KANK1: variants seen among roughly 807,000 people sequenced by gnomAD.
KANK1 encodes KN motif and ankyrin repeat domains 1.
In KANK1, 109 loss-of-function variants were observed where a neutral mutation model predicts 106.2. The observed-to-expected ratio is 1.03, with a 90% CI of 0.88 to 1.20. The LOEUF (loss-of-function observed/expected upper bound fraction) is 1.20, where lower values mean the gene tolerates loss of function less well. KANK1 is among the 50% of genes most tolerant of loss of function. The probability of loss-of-function intolerance (pLI) is 0.00; values close to 1 mark genes in which losing one functional copy is unlikely to be tolerated. For synonymous variants in KANK1, 873 were observed against 652.2 expected (o/e 1.34, Z -5.16); for missense variants, 2,399 against 1,710.7 (o/e 1.40, Z -7.10).
chr9:592,332 C>T (rs913878656), intron 1 of KANK1, among the ~76,000 whole-genome samples: 49 of 151,786 alleles, frequency 3.2e-4, no homozygotes, highest in Admixed American at 3.0e-3. Context: ...CAGGGAGCAG[C>T]GGGAAGCCGG....
Position 710,615 on chromosome 9 carries a change from C to CAA in KANK1, c.38-176_38-175dup, listed in dbSNP as rs1222306010. On this transcript the variant is annotated intron_variant, in intron 2 of 11. Transcript: ENST00000382297. ...GCCTGGGTGACAGAATGACCTGTCTCAAAAAAAAAAAAAACAAAAAAAAAC... is the reference window on the plus strand; with the variant it reads ...GCCTGGGTGACAGAATGACCTGTCTCAAAAAAAAAAAAAAAACAAAAAAAAAC... 6.0e-3 allele frequency among the ~76,000 whole-genome samples: 214 copies of CAA among 35,964 alleles called. 27 individuals carry two copies. The highest frequency in any genetic ancestry group is 0.015 in the Middle Eastern group (1 of 66). 23.6% of individuals were successfully genotyped at this position (35,964 alleles called of 152,430 possible). A position where few individuals can be genotyped will look rare whatever the true frequency, so the allele number is the denominator to read the frequency against.
intron 1 of KANK1, among the ~76,000 whole-genome samples, chr9:621,717 C>T (rs35477239): frequency 1.3e-5 from 2 of 152,112 alleles, no homozygotes; most frequent in African/African-American, 4.8e-5. Context: ...CCTCCCATCT[C>T]GTAAGCAGAG....
chr9:585,356 CA>C (rs1823202122), intron 1 of KANK1, among the ~76,000 whole-genome samples: 1 of 152,178 alleles, frequency 6.6e-6, no homozygotes, highest in Non-Finnish European at 1.5e-5. Flanking sequence ...AGACATTGGA[CA>C]TACTTAGAAT....
intron 2 of KANK1, among the ~76,000 whole-genome samples, chr9:706,462 G>T (rs1219004204): frequency 6.6e-6 from 1 of 151,996 alleles, no homozygotes; most frequent in African/African-American, 2.4e-5. Flanking sequence ...CCTTAAGTGG[G>T]AAAAGTATAG....
intron 1 of KANK1, among the ~76,000 whole-genome samples, chr9:591,840 G>A (rs892577015): frequency 6.6e-6 from 1 of 151,640 alleles, no homozygotes; most frequent in Non-Finnish European, 1.5e-5. Flanking sequence ...TGTATTTTTA[G>A]TAGAGTCGGG....
In KANK1 at chr9:710,879, G is replaced by A. The variant is rs950838979; in HGVS notation, c.113G>A (p.Gly38Asp). Residue 38 changes from glycine to aspartate, a missense_variant, in exon 3 of 12, where the codon GGT becomes GAT. Gly to Asp is a moderately conservative substitution (Grantham distance 94, BLOSUM62 -1). Coordinates refer to ENST00000382297, the MANE Select transcript of KANK1 (RefSeq NM_015158.5). ...KDPYFVETPY[G>D]YQLDLDFLKY... ...CCTTACTTTGTGGAGACCCCCTATG[G>A]TTATCAACTAGACTTAGATTTCCTC... 1.9e-6 allele frequency: 3 copies of A among 1,613,966 alleles called. No homozygotes were observed. The highest frequency in any genetic ancestry group is 1.3e-5 in the African/African-American group (1 of 74,974).
At chr9:657,704 T>G (rs1409198347) in intron 1 of KANK1, among the ~76,000 whole-genome samples, 1 of 152,202 alleles carries the variant, frequency 6.6e-6, no homozygotes, top group Non-Finnish European at 1.5e-5. Flanking sequence ...GTGCGTATGC[T>G]GCGTTGGTAA....
At chr9:554,603 A>G (rs1242556564) in intron 1 of KANK1, among the ~76,000 whole-genome samples, 1 of 152,232 alleles carries the variant, frequency 6.6e-6, no homozygotes, top group African/African-American at 2.4e-5. Context: ...CATCACAACC[A>G]TCTGAATTAT....
intron 1 of KANK1, among the ~76,000 whole-genome samples, chr9:551,484 C>A (rs1203639675): frequency 6.6e-6 from 1 of 152,138 alleles, no homozygotes; most frequent in Non-Finnish European, 1.5e-5. Context: ...TACTTTTCAT[C>A]TGACAATATT....
chr9:546,330 G>T (rs1489529319), intron 1 of KANK1, among the ~76,000 whole-genome samples: 1 of 151,974 alleles, frequency 6.6e-6, no homozygotes, highest in Non-Finnish European at 1.5e-5. Flanking sequence ...CTGTCATCTA[G>T]TGTGTAAAGG....
At chr9:577,538 C>T (rs1191698123) in intron 1 of KANK1, among the ~76,000 whole-genome samples, 1 of 152,178 alleles carries the variant, frequency 6.6e-6, no homozygotes, top group Non-Finnish European at 1.5e-5. Context: ...CAAGTCCGCA[C>T]CCGACCCAGA....
intron 1 of KANK1, among the ~76,000 whole-genome samples, chr9:618,084 G>A (rs28604927): frequency 0.082 from 12,411 of 152,086 alleles, 738 homozygotes; most frequent in African/African-American, 0.17. Context: ...TAGTACCCAC[G>A]GAATTCTGCT....
intron 1 of KANK1, among the ~76,000 whole-genome samples, chr9:651,568 T>G (rs1840888741): frequency 6.6e-6 from 1 of 152,226 alleles, no homozygotes; most frequent in South Asian, 2.1e-4. Context: ...GTTCCACAAG[T>G]TACCTTGGCT....
intron 1 of KANK1, among the ~76,000 whole-genome samples, chr9:656,973 C>T (rs1366676463): frequency 6.6e-6 from 1 of 152,110 alleles, no homozygotes; most frequent in African/African-American, 2.4e-5. Flanking sequence ...TGCACAATGC[C>T]ATGACAGATC....
chr9:730,079 T>TG lies in KANK1; in HGVS notation c.2732dup (p.Leu912ProfsTer15). 6.2e-7 allele frequency: 1 copy of TG among 1,614,170 alleles called. No individual in the cohort carries two copies. Among genetic ancestry groups the TG allele is most frequent in the Non-Finnish European group, 8.5e-7 (1 of 1,180,010 alleles). ...ATTATTTGGGATATACCTGTAAGTG[T>TG]GGGGGCCTTCAGTCAGGAAGTCCCT... On this transcript the variant is annotated frameshift_variant, in exon 4 of 12. Transcript: ENST00000382297. LOFTEE classifies it high-confidence loss of function.
At chr9:510,721 A>G (rs1331542226) in intron 1 of KANK1, among the ~76,000 whole-genome samples, 1 of 152,238 alleles carries the variant, frequency 6.6e-6, no homozygotes, top group Non-Finnish European at 1.5e-5. Flanking sequence ...TATAGGCCGA[A>G]AAAAGTACTT....
intron 2 of KANK1, among the ~76,000 whole-genome samples, chr9:684,894 C>G (rs1818252526): frequency 6.8e-6 from 1 of 146,450 alleles, no homozygotes; most frequent in South Asian, 2.2e-4. Context: ...AGTTCTTGCT[C>G]TTTCCTGACC....
intron 2 of KANK1, among the ~76,000 whole-genome samples, chr9:701,949 A>T (rs999405634): frequency 6.6e-6 from 1 of 152,182 alleles, no homozygotes; most frequent in African/African-American, 2.4e-5. Context: ...ATTGCAAGCA[A>T]ATTTCTCACT....
chr9:569,255 G>GTTA (rs1371037000), intron 1 of KANK1, among the ~76,000 whole-genome samples: 5 of 152,108 alleles, frequency 3.3e-5, no homozygotes, highest in Non-Finnish European at 7.3e-5. Context: ...CCCTCAGTAT[G>GTTA]TTATAGTGCT....
Sources: allele counts gnomAD v4.1 joint callset (sites outside exome capture counted in the v4.1 genomes callset), GRCh38; gene constraint gnomAD v4.1.1; transcripts MANE v1.5; gene names NCBI Gene and HGNC (gene_info 2026-07-23, HGNC 2026-07-21).